Variants in IPO11 observed in about 807,000 individuals in gnomAD.
IPO11 encodes importin-11.
Under a neutral mutation model 143.2 loss-of-function variants are expected in IPO11, and 66 were observed. The observed-to-expected ratio is 0.46, with a 90% CI of 0.38 to 0.57. The LOEUF is 0.57. Among genes scored for constraint, IPO11 ranks in the 20% least tolerant of loss-of-function variants. The pLI, the probability that IPO11 is intolerant of heterozygous loss-of-function variation, is 0.00. For missense variants in IPO11, 1,026 were observed against 1,141.0 expected, an observed-to-expected ratio of 0.90 and a Z score of 1.45; for synonymous variants, 385 against 377.8, an observed-to-expected ratio of 1.02 and a Z score of -0.22.
At chr5:62,625,292 T>G (rs1746525533) in intron 29 of IPO11, among the ~76,000 whole-genome samples, 1 of 152,190 alleles carries the variant, frequency 6.6e-6, no homozygotes, top group Admixed American at 6.5e-5. Flanking sequence ...ACTTCATAGG[T>G]TGAAGCATAT....
At chr5:62,452,580 C>A (rs1744972936) in intron 5 of IPO11, among the ~76,000 whole-genome samples, 1 of 150,674 alleles carries the variant, frequency 6.6e-6, no homozygotes, top group Non-Finnish European at 1.5e-5. Flanking sequence ...GGATGTAGGG[C>A]AGATATAGGA....
chr5:62,575,620 T>C (rs1373035567), intron 27 of IPO11, among the ~76,000 whole-genome samples: 4 of 152,164 alleles, frequency 2.6e-5, no homozygotes, highest in Non-Finnish European at 4.4e-5. Context: ...TGTGGTTTGA[T>C]ATTTCCTTAT....
At chr5:62,492,134 A>T (rs891789653) in intron 15 of IPO11, among the ~76,000 whole-genome samples, 4 of 152,254 alleles carry the variant, frequency 2.6e-5, no homozygotes, top group African/African-American at 9.6e-5. Flanking sequence ...AGCAATGCAC[A>T]CATTAAATAG....
intron 27 of IPO11, chr5:62,580,001 C>A: frequency 6.4e-7 from 1 of 1,551,190 alleles, no homozygotes; most frequent in African/African-American, 1.4e-5. Context: ...CTTGATTTAT[C>A]AAACAATAAC....
Position 62,476,739 on chromosome 5 carries a change from C to G in IPO11, c.814C>G (p.Leu272Val). 1 of 1,521,134 alleles carries G rather than the reference C, an allele frequency of 6.6e-7. No individual in the cohort carries two copies. Among genetic ancestry groups the G allele is most frequent in the Non-Finnish European group, 8.8e-7 (1 of 1,131,400 alleles). The allele number at this position is 1,521,134 out of a possible 1,614,324, so 94.2% of individuals were successfully genotyped here. Residue 272 changes from leucine (L) to valine (V), a missense_variant, in exon 9 of 30, where the codon CTT becomes GTT. Physicochemically the swap from Leu to Val is conservative, Grantham distance 32. Transcript: ENST00000325324. ...CRDRLEKTII[L>V]FTKVLLDFLD... ...AGATAGACTGGAAAAGACCATCATT[C>G]TTTTTACTAAAGTGGTAAGTTTTTT...
At position 62,503,309 on chromosome 5, in the gene IPO11, T is replaced by C. The variant is rs147845311; in HGVS notation, c.1591-1358T>C. 6.3e-3 allele frequency among the ~76,000 whole-genome samples: 862 copies of C among 136,448 alleles called. 22 individuals carry two copies. The highest frequency in any genetic ancestry group is 0.015 in the Middle Eastern group (4 of 260). The allele number at this position is 136,448 out of a possible 152,430, so 89.5% of individuals were successfully genotyped here. A position where few individuals can be genotyped will look rare whatever the true frequency, so the allele number is the denominator to read the frequency against. On this transcript the variant is annotated intron_variant, in intron 16 of 29. Coordinates refer to ENST00000325324, the MANE Select transcript of IPO11 (RefSeq NM_016338.5). Reference sequence around the variant, plus strand: ...AGTTAGCCATTTTTATCAGTATCTATTAATATATTAATAGTATCTACTAAT... The same window carrying C: ...AGTTAGCCATTTTTATCAGTATCTACTAATATATTAATAGTATCTACTAAT...
chr5:62,571,950 T>G (rs750991045), intron 27 of IPO11, among the ~76,000 whole-genome samples: 1 of 152,178 alleles, frequency 6.6e-6, no homozygotes, highest in Non-Finnish European at 1.5e-5. Flanking sequence ...CCTCCCAGAG[T>G]GCTGGGATTA....
chr5:62,444,339 G>A (rs763358831), intron 3 of IPO11, among the ~76,000 whole-genome samples: 1 of 152,082 alleles, frequency 6.6e-6, no homozygotes, highest in East Asian at 1.9e-4. Context: ...TGATCCGCCC[G>A]CCTTGGCCTC....
At chr5:62,491,065 A>G (rs1292666714) in intron 15 of IPO11, among the ~76,000 whole-genome samples, 3 of 152,232 alleles carry the variant, frequency 2.0e-5, no homozygotes, top group African/African-American at 7.2e-5. Flanking sequence ...AAAAAATTCT[A>G]AGGGGCTTTT....
At chr5:62,542,067 TA>T (rs1270220415) in intron 24 of IPO11, among the ~76,000 whole-genome samples, 3 of 151,978 alleles carry the variant, frequency 2.0e-5, no homozygotes, top group Non-Finnish European at 4.4e-5. Flanking sequence ...TATTTCTTTT[TA>T]TTTTTTTTAT....
In IPO11 at chr5:62,627,136, C is replaced by A; in HGVS notation, c.2764-18C>A. 6.2e-7 allele frequency: 1 copy of A among 1,605,088 alleles called. No homozygotes were observed. The highest frequency in any genetic ancestry group is 8.5e-7 in the Non-Finnish European group (1 of 1,174,010). On this transcript the variant is annotated intron_variant, in intron 29 of 29. Coordinates refer to ENST00000325324, the MANE Select transcript of IPO11 (RefSeq NM_016338.5). The stretch of plus-strand genomic sequence containing the variant: ...GTTTTGCTTTTTTGACAGTCTTGCT[C>A]CTCTCTGTATCCCACAGCTGGCCCT...
intron 28 of IPO11, among the ~76,000 whole-genome samples, chr5:62,594,901 G>A (rs1440268781): frequency 2.6e-5 from 4 of 152,180 alleles, no homozygotes; most frequent in Non-Finnish European, 5.9e-5. Context: ...AACTAGTTAA[G>A]TAACCTTTGT....
At chr5:62,439,820 G>A (rs965794225) in intron 2 of IPO11, among the ~76,000 whole-genome samples, 2 of 152,188 alleles carry the variant, frequency 1.3e-5, no homozygotes, top group South Asian at 4.1e-4. Context: ...TCGCTATCTA[G>A]GTACATTTGA....
intron 24 of IPO11, among the ~76,000 whole-genome samples, chr5:62,546,544 A>G (rs1010281680): frequency 6.6e-6 from 1 of 152,154 alleles, no homozygotes; most frequent in Non-Finnish European, 1.5e-5. Flanking sequence ...ACATGTATAC[A>G]TATGTAACAA....
chr5:62,494,867 A>T (rs1379423778), intron 16 of IPO11, among the ~76,000 whole-genome samples: 2 of 150,258 alleles, frequency 1.3e-5, no homozygotes, highest in African/African-American at 4.9e-5. Context: ...TTCTCCCCTG[A>T]GTTGTGCTAA....
chr5:62,425,737 T>C (rs947014427), intron 1 of IPO11, among the ~76,000 whole-genome samples: 1 of 152,216 alleles, frequency 6.6e-6, no homozygotes, highest in Non-Finnish European at 1.5e-5. Context: ...AAAGTAAAGA[T>C]ACGATTGCTA....
intron 15 of IPO11, among the ~76,000 whole-genome samples, chr5:62,491,653 A>T (rs971378480): frequency 7.9e-5 from 12 of 151,840 alleles, no homozygotes; most frequent in Admixed American, 2.6e-4. Context: ...GGGATATGTA[A>T]AAATATTAAT....
intron 2 of IPO11, among the ~76,000 whole-genome samples, chr5:62,439,605 T>C (rs1421703792): frequency 2.7e-5 from 4 of 150,180 alleles, no homozygotes; most frequent in South Asian, 2.1e-4. Flanking sequence ...TTTTTTTTTT[T>C]AAGTAGAGAC....
intron 5 of IPO11, among the ~76,000 whole-genome samples, chr5:62,457,745 A>G (rs1745214063): frequency 1.3e-5 from 2 of 152,162 alleles, no homozygotes; most frequent in Admixed American, 6.5e-5. Flanking sequence ...CTTAGGGGAA[A>G]TTTCCAAATA....
Sources: allele counts gnomAD v4.1 joint callset (sites outside exome capture counted in the v4.1 genomes callset), GRCh38; gene constraint gnomAD v4.1.1; transcripts MANE v1.5; gene names NCBI Gene and HGNC (gene_info 2026-07-23, HGNC 2026-07-21).